Variants in KIF1B observed in about 807,000 individuals in gnomAD.
KIF1B encodes kinesin family member 1B, also known as kinesin-like protein KIF1B.
A neutral mutation model predicts 241.9 loss-of-function variants in KIF1B; 76 were observed. The ratio of observed to expected loss-of-function variants is 0.31; its 90% CI spans 0.26 to 0.38. The LOEUF is 0.38. Ranked by LOEUF, KIF1B falls within the 10% of genes least tolerant of loss-of-function variation. The probability of loss-of-function intolerance (pLI) is 1.00; values close to 1 mark genes in which losing one functional copy is unlikely to be tolerated. For missense variants in KIF1B, 1,622 were observed against 2,271.4 expected (o/e 0.71, Z 5.81); for synonymous variants, 750 against 796.7 (o/e 0.94, Z 0.99).
At chr1:10,308,232 T>G in intron 22 of KIF1B, 1 of 1,061,076 alleles carries the variant, frequency 9.4e-7, no homozygotes, top group South Asian at 4.6e-5. Context: ...AGGGGCCGTC[T>G]TAGGCACAGT....
At chr1:10,281,365 C>T (rs1051639530) in intron 14 of KIF1B, among the ~76,000 whole-genome samples, 4 of 152,152 alleles carry the variant, frequency 2.6e-5, no homozygotes, top group African/African-American at 4.8e-5. Context: ...AAAGTACAAA[C>T]AGCAAATTAA....
intron 28 of KIF1B, among the ~76,000 whole-genome samples, chr1:10,335,900 G>A (rs2102314218): frequency 6.6e-6 from 1 of 152,208 alleles, no homozygotes. Context: ...ATGTTCTGAG[G>A]AAAGAATGTG....
In KIF1B at chr1:10,337,575, C is replaced by T. The variant is rs1339502689; in HGVS notation, c.3422+42C>T. The T allele has an allele frequency of 1.9e-5, 31 of 1,609,074 alleles. No homozygotes were observed. The highest frequency in any genetic ancestry group is 2.5e-5 in the Non-Finnish European group (29 of 1,175,648). ...CTCTGCCTCCCAGCTAGCTGCTAACCGAGGTGACATCTCTTGTGCACTGTA... is the reference window on the plus strand; with the variant it reads ...CTCTGCCTCCCAGCTAGCTGCTAACTGAGGTGACATCTCTTGTGCACTGTA... On this transcript the variant is annotated intron_variant, in intron 31 of 48. Coordinates refer to ENST00000676179, the MANE Select transcript of KIF1B (RefSeq NM_001365951.3). The surrounding 1 kb of genome is among the most constrained non-coding windows in gnomAD (Gnocchi z 4.0).
At chr1:10,321,034 T>G (rs934454350) in intron 23 of KIF1B, among the ~76,000 whole-genome samples, 1 of 151,762 alleles carries the variant, frequency 6.6e-6, no homozygotes, top group African/African-American at 2.4e-5. Context: ...AGATGGTACC[T>G]TTTTTCTCTC....
rs1226329132 is a variant in KIF1B, at chr1:10,210,585, G to A, written c.-373G>A. Among the ~76,000 whole-genome samples the A allele has an allele frequency of 6.6e-6, 1 of 152,032 alleles. No homozygotes were observed. Among genetic ancestry groups the A allele is most frequent in the Non-Finnish European group, 1.5e-5 (1 of 67,958 alleles). Reference sequence around the variant, plus strand: ...GAAGCGGGGCAGTGTGACGGCAGCGGTCCTGGGAGGCGCCCGCGCGCGTCG... The same window carrying A: ...GAAGCGGGGCAGTGTGACGGCAGCGATCCTGGGAGGCGCCCGCGCGCGTCG... On this transcript the variant is annotated 5_prime_UTR_variant, in exon 1 of 49. Transcript: ENST00000676179. The surrounding 1 kb of genome is among the most constrained non-coding windows in gnomAD (Gnocchi z 4.1).
At chr1:10,292,001 T>C (rs1022241904) in intron 16 of KIF1B, 46 bp from the exon 17 acceptor site, 4 of 1,500,856 alleles carry the variant, frequency 2.7e-6, no homozygotes, top group African/African-American at 1.4e-5. Flanking sequence ...ACTGATTTAA[T>C]TGACATTTTG....
chr1:10,322,619 C>A (rs907379374), intron 24 of KIF1B, among the ~76,000 whole-genome samples: 1 of 152,088 alleles, frequency 6.6e-6, no homozygotes, highest in African/African-American at 2.4e-5. Context: ...GAGCATGGAC[C>A]ACCTAACTTT....
rs552813033 is a variant in KIF1B at position 10,239,774 on chromosome 1, AT to A, written c.106+7349del. 3.5e-5 allele frequency among the ~76,000 whole-genome samples: 5 copies of A among 143,704 alleles called. 2 individuals carry two copies. Among genetic ancestry groups the A allele is most frequent in the African/African-American group, 1.3e-4 (5 of 38,646 alleles). 94.3% of individuals were successfully genotyped at this position (143,704 alleles called of 152,430 possible). ...AGGCGCCCACCACCATGCCTGGCTA[AT>A]TTTTTTTTGAGATGGAGTCTTGCTC... On this transcript the variant is annotated intron_variant, in intron 2 of 48. Coordinates refer to ENST00000676179, the MANE Select transcript of KIF1B (RefSeq NM_001365951.3).
At chr1:10,215,422 C>T (rs1646756057) in intron 1 of KIF1B, among the ~76,000 whole-genome samples, 2 of 151,568 alleles carry the variant, frequency 1.3e-5, no homozygotes, top group African/African-American at 4.8e-5. Context: ...GTGATCCACC[C>T]ACCTTGGCCT....
intron 22 of KIF1B, chr1:10,304,948 T>G (rs982378661): frequency 1.7e-6 from 2 of 1,198,884 alleles, no homozygotes; most frequent in African/African-American, 1.5e-5. Context: ...CCCATCTTGA[T>G]GTAAGTTTGT....
intron 2 of KIF1B, among the ~76,000 whole-genome samples, chr1:10,246,589 C>A (rs971285063): frequency 1.3e-5 from 2 of 152,104 alleles, no homozygotes; most frequent in East Asian, 3.9e-4. Flanking sequence ...ACTAAAAATA[C>A]AGAAATTAGC....
chr1:10,304,133 A>G (rs761661731), intron 22 of KIF1B: 11 of 1,614,030 alleles, frequency 6.8e-6, no homozygotes, highest in Admixed American at 1.7e-5. Context: ...ATAACAGAAG[A>G]TGAGGTTATA....
At chr1:10,300,169 G>A (rs377674952) in intron 22 of KIF1B, among the ~76,000 whole-genome samples, 45 of 151,366 alleles carry the variant, frequency 3.0e-4, no homozygotes, top group East Asian at 2.9e-3. Context: ...CCTAGCAGGC[G>A]GAGGTTGCAG....
At chr1:10,305,492 G>T (rs1392331823) in intron 22 of KIF1B, 1 of 1,059,816 alleles carries the variant, frequency 9.4e-7, no homozygotes, top group African/African-American at 1.6e-5. Flanking sequence ...TTGTAAGGAG[G>T]TTATTTGGCT....
Position 10,284,739 on chromosome 1 carries a change from A to G in KIF1B, c.1434+2206A>G, listed in dbSNP as rs552560516. Among the ~76,000 whole-genome samples the G allele has an allele frequency of 4.6e-5, 7 of 151,834 alleles. No individual in the cohort carries two copies. In the South Asian group the frequency reaches 8.3e-4, roughly 18 times the overall value. Reference sequence around the variant, plus strand: ...TAGCCGGCCATGGTGACGTGCATCTATAGTCCCAGCCACTCGGGAAGCTGA... The same window carrying G: ...TAGCCGGCCATGGTGACGTGCATCTGTAGTCCCAGCCACTCGGGAAGCTGA... On this transcript the variant is annotated intron_variant, in intron 15 of 48. Coordinates refer to ENST00000676179, the MANE Select transcript of KIF1B (RefSeq NM_001365951.3).
chr1:10,283,414 C>T (rs181693021), intron 15 of KIF1B, among the ~76,000 whole-genome samples: 1 of 152,318 alleles, frequency 6.6e-6, no homozygotes, highest in East Asian at 1.9e-4. Context: ...AGATTACTGG[C>T]CTATGGCTCC....
At chr1:10,346,342 CTTG>C (rs1477566989) in intron 35 of KIF1B, among the ~76,000 whole-genome samples, 59 of 151,298 alleles carry the variant, frequency 3.9e-4, no homozygotes, top group African/African-American at 1.2e-3. Flanking sequence ...AGACAGGCAT[CTTG>C]TTGTTTTTTG....
At chr1:10,327,033 A>G (rs1034241659) in intron 27 of KIF1B, among the ~76,000 whole-genome samples, 4 of 152,130 alleles carry the variant, frequency 2.6e-5, no homozygotes, top group Admixed American at 6.6e-5. Flanking sequence ...TCAGAAAATC[A>G]TCTATTGACC....
intron 1 of KIF1B, among the ~76,000 whole-genome samples, chr1:10,211,941 G>C (rs1646699102): frequency 6.6e-6 from 1 of 152,172 alleles, no homozygotes; most frequent in African/African-American, 2.4e-5. Context: ...TTTCAGAGTC[G>C]CTCGACTTGC....
Sources: gnomAD v4.1 joint callset for allele counts (sites outside exome capture counted in the v4.1 genomes callset) on GRCh38, gnomAD v4.1.1 for gene constraint, Gnocchi (gnomAD v3.1) non-coding constraint, MANE v1.5 for transcripts, NCBI Gene and HGNC (gene_info 2026-07-23, HGNC 2026-07-21) for gene names.